The following ATP2A2 variants were observed in gnomAD, a reference collection of about 807,000 sequenced individuals.
ATP2A2 encodes the protein sarcoplasmic/endoplasmic reticulum calcium ATPase 2.
ATP2A2 carries 14 observed loss-of-function variants against 109.3 expected under a neutral mutation model. The observed-to-expected ratio is 0.13, with a 90% CI of 0.08 to 0.20. The LOEUF is 0.20. Ranked by LOEUF, ATP2A2 falls within the 10% of genes least tolerant of loss-of-function variation. The pLI, the probability that ATP2A2 is intolerant of heterozygous loss-of-function variation, is 1.00. For synonymous variants in ATP2A2, 506 were observed against 490.9 expected (o/e 1.03, Z -0.41); for missense variants, 657 against 1,321.6 (o/e 0.50, Z 7.80).
chr12:110,320,227 C>T (rs989917258), intron 5 of ATP2A2, among the ~76,000 whole-genome samples: 2 of 152,080 alleles, frequency 1.3e-5, no homozygotes, highest in African/African-American at 4.8e-5. Flanking sequence ...ATTTGTTGAC[C>T]TTTTAAAATT....
chr12:110,336,015 C>T (rs544647632), intron 11 of ATP2A2, among the ~76,000 whole-genome samples: 63 of 152,350 alleles, frequency 4.1e-4, no homozygotes, highest in African/African-American at 1.5e-3. Flanking sequence ...ACATGGTCCT[C>T]TAATAGGTCC....
chr12:110,305,517 C>A (rs892059315), intron 5 of ATP2A2, among the ~76,000 whole-genome samples: 1 of 152,224 alleles, frequency 6.6e-6, no homozygotes, highest in African/African-American at 2.4e-5. Flanking sequence ...AAGATTTCTT[C>A]ACTAATTTGT....
At chr12:110,291,876 G>C in intron 3 of ATP2A2, 144 bp from the exon 4 acceptor site, 1 of 737,898 alleles carries the variant, frequency 1.4e-6, no homozygotes, top group Admixed American at 2.0e-5. Flanking sequence ...TGGAACTCTT[G>C]ACCTCAGGTG....
In ATP2A2 at chr12:110,339,353, T is replaced by G. The variant is rs1462799552; in HGVS notation, c.1492T>G (p.Cys498Gly). 1 of 1,614,234 alleles carries G rather than the reference T, an allele frequency of 6.2e-7. No homozygotes were observed. Among genetic ancestry groups the G allele is most frequent in the Admixed American group, 1.7e-5 (1 of 60,022 alleles). ...TGACAGAAAGTCAATGTCGGTTTAC[T>G]GTACACCAAATAAACCAAGCAGGAC... ...SRDRKSMSVY[C>G]TPNKPSRTSM... The change falls in exon 12 of 20, where the codon TGT becomes GGT. Residue 498 changes from cysteine to glycine, a missense_variant. Cys to Gly is a radical substitution (Grantham distance 159). Transcript: ENST00000539276. The surrounding 1 kb of genome is among the most constrained non-coding windows in gnomAD (Gnocchi z 4.4).
In ATP2A2 at chr12:110,293,385, T is replaced by TG. The variant is rs1352189245; in HGVS notation, c.324+1261_324+1262insG. 3.6e-3 allele frequency among the ~76,000 whole-genome samples: 413 copies of TG among 114,386 alleles called. 2 individuals are homozygous for TG. Among genetic ancestry groups the TG allele is most frequent in the African/African-American group, 6.1e-3 (160 of 26,072 alleles). 75.0% of individuals were successfully genotyped at this position (114,386 alleles called of 152,430 possible). On this transcript the variant is annotated intron_variant, in intron 4 of 19. Coordinates refer to ENST00000539276, the MANE Select transcript of ATP2A2 (RefSeq NM_170665.4). ...TCCCGGCCTTTTTTTTTTTTTTTTT[T>TG]TTTGTTTGTTTGTTTGTTTGTTTGT...
intron 5 of ATP2A2, among the ~76,000 whole-genome samples, chr12:110,317,458 T>C (rs1296182440): frequency 2.6e-5 from 4 of 152,174 alleles, no homozygotes; most frequent in African/African-American, 9.7e-5. Flanking sequence ...TCACCCAGGC[T>C]GGAGTGCAGT....
intron 5 of ATP2A2, among the ~76,000 whole-genome samples, chr12:110,297,316 TC>T (rs1874064142): frequency 6.6e-6 from 1 of 151,330 alleles, no homozygotes. Context: ...GTGCCTGTAG[TC>T]CCAGCCACTT....
Position 110,349,787 on chromosome 12 carries a change from A to T in ATP2A2, c.*3317A>T. ...AATTGTCCAAACACCCGCTGCAGTT[A>T]GCAAGAAGGGTAGGCTTCACCCTCC... On this transcript the variant is annotated 3_prime_UTR_variant, in exon 20 of 20. Coordinates refer to ENST00000539276, the MANE Select transcript of ATP2A2 (RefSeq NM_170665.4). 1 of 1,017,242 alleles carries T rather than the reference A, an allele frequency of 9.8e-7. No individual in the cohort carries two copies. The highest frequency in any genetic ancestry group is 1.2e-6 in the Non-Finnish European group (1 of 848,000). The allele number at this position is 1,017,242 out of a possible 1,614,324, so 63.0% of individuals were successfully genotyped here. A position where few individuals can be genotyped will look rare whatever the true frequency, so the allele number is the denominator to read the frequency against.
intron 5 of ATP2A2, among the ~76,000 whole-genome samples, chr12:110,314,203 C>G (rs1481907448): frequency 2.6e-5 from 4 of 152,104 alleles, no homozygotes; most frequent in Non-Finnish European, 2.9e-5. Flanking sequence ...TAGCGCTTGC[C>G]TGTAATCCCA....
rs2137889221 is a variant in ATP2A2 at position 110,350,507 on chromosome 12, C to T, written c.*4037C>T. ...AGCTTTTAAATCAAAATACTGATTA[C>T]AGATGTACAATTTAGCTTAATCAGA... On this transcript the variant is annotated 3_prime_UTR_variant, in exon 20 of 20. Coordinates refer to ENST00000539276, the MANE Select transcript of ATP2A2 (RefSeq NM_170665.4). 1.3e-6 allele frequency: 1 copy of T among 792,286 alleles called. No homozygotes were observed. The highest frequency in any genetic ancestry group is 2.0e-6 in the Non-Finnish European group (1 of 503,536). The allele number at this position is 792,286 out of a possible 1,614,324, so 49.1% of individuals were successfully genotyped here.
intron 17 of ATP2A2, 95 bp downstream of exon 17, chr12:110,345,066 C>A: frequency 6.7e-7 from 1 of 1,499,564 alleles, no homozygotes; most frequent in Non-Finnish European, 9.3e-7. Flanking sequence ...CATCTTAAGA[C>A]TCAGACAATA....
chr12:110,299,570 C>G lies in ATP2A2; in HGVS notation c.463+2833C>G, dbSNP rs77822113. Among the ~76,000 whole-genome samples the G allele has an allele frequency of 3.0e-3, 456 of 152,266 alleles. 19 individuals carry two copies. In the East Asian group the frequency reaches 0.077, roughly 26 times the overall value. On this transcript the variant is annotated intron_variant, in intron 5 of 19. Transcript: ENST00000539276. ...TCTCCATTGGGTACAGAGTTCTGAT[C>G]GTGAGTAGTTCAAAGAGTGAGCCTC...
intron 4 of ATP2A2, among the ~76,000 whole-genome samples, chr12:110,294,016 A>G (rs908793655): frequency 2.0e-5 from 3 of 149,788 alleles, no homozygotes; most frequent in African/African-American, 7.4e-5. Flanking sequence ...AGCTGGGATT[A>G]TAGGTGACTG....
intron 3 of ATP2A2, among the ~76,000 whole-genome samples, chr12:110,285,085 C>A (rs922423654): frequency 6.6e-6 from 1 of 152,110 alleles, no homozygotes; most frequent in Non-Finnish European, 1.5e-5. Context: ...ATACATCATG[C>A]GTCATCAAGT....
intron 5 of ATP2A2, among the ~76,000 whole-genome samples, chr12:110,319,192 G>T (rs1876980178): frequency 8.1e-6 from 1 of 124,022 alleles, no homozygotes; most frequent in Non-Finnish European, 1.6e-5. Flanking sequence ...CTGGGTGACA[G>T]AGTGAGACCC....
chr12:110,315,795 G>T (rs1241014429), intron 5 of ATP2A2, among the ~76,000 whole-genome samples: 1 of 152,200 alleles, frequency 6.6e-6, no homozygotes, highest in East Asian at 1.9e-4. Flanking sequence ...ACAAAACTTA[G>T]CCGGCCGCAT....
chr12:110,345,614 G>T, intron 18 of ATP2A2: 1 of 666,492 alleles, frequency 1.5e-6, no homozygotes, highest in South Asian at 1.9e-5. Flanking sequence ...AACCGTGGGG[G>T]CCAAAAATAG....
chr12:110,349,351 T>G lies in ATP2A2; in HGVS notation c.*2881T>G. On this transcript the variant is annotated 3_prime_UTR_variant, in exon 20 of 20. Transcript: ENST00000539276. ...CTCTTGCCTGAAACTTACTTCCACA[T>G]TCTTTCCTGATGGGCAGGTGGCTGA... 1.0e-6 allele frequency: 1 copy of G among 985,456 alleles called. No homozygotes were observed. The highest frequency in any genetic ancestry group is 1.2e-6 in the Non-Finnish European group (1 of 829,950). The allele number at this position is 985,456 out of a possible 1,614,324, so 61.0% of individuals were successfully genotyped here. A position where few individuals can be genotyped will look rare whatever the true frequency, so the allele number is the denominator to read the frequency against.
chr12:110,324,387 CAT>C lies in ATP2A2; in HGVS notation c.544+1317_544+1318del, dbSNP rs1877551195. Among the ~76,000 whole-genome samples, 7 of 152,178 alleles carry C rather than the reference CAT, an allele frequency of 4.6e-5. No individual in the cohort carries two copies. The South Asian group carries it at 1.2e-3, about 27-fold the overall frequency. ...GGTTGGGTTATATGTGTGAAATTCTCATAGTGTGCCCTAAAGACGTAGTTGCC... is the reference window on the plus strand; with the variant it reads ...GGTTGGGTTATATGTGTGAAATTCTCAGTGTGCCCTAAAGACGTAGTTGCC... On this transcript the variant is annotated intron_variant, in intron 6 of 19. Coordinates refer to ENST00000539276, the MANE Select transcript of ATP2A2 (RefSeq NM_170665.4).
Sources: allele counts gnomAD v4.1 joint callset (sites outside exome capture counted in the v4.1 genomes callset), GRCh38; gene constraint gnomAD v4.1.1; non-coding constraint Gnocchi (gnomAD v3.1); transcripts MANE v1.5; gene names NCBI Gene and HGNC (gene_info 2026-07-23, HGNC 2026-07-21).